Variants in PPM1B observed in about 807,000 individuals in gnomAD.
PPM1B encodes protein phosphatase 1B.
PPM1B carries 22 observed loss-of-function variants against 43.0 expected under a neutral mutation model. The ratio of observed to expected loss-of-function variants is 0.51; its 90% confidence interval spans 0.37 to 0.73. The LOEUF (loss-of-function observed/expected upper bound fraction) is 0.73. PPM1B is among the 30% of genes least tolerant of loss of function. PPM1B has a pLI of 0.00. For missense variants in PPM1B, 632 were observed against 584.2 expected (o/e 1.08, Z -0.84); for synonymous variants, 217 against 197.9 (o/e 1.10, Z -0.81).
chr2:44,215,064 A>G (rs990465379), intron 3 of PPM1B, among the ~76,000 whole-genome samples: 10 of 152,196 alleles, frequency 6.6e-5, no homozygotes, highest in Non-Finnish European at 2.9e-5. Flanking sequence ...TAAAGTATAT[A>G]TTATATAGGA....
At chr2:44,175,713 T>C (rs942060317) in intron 1 of PPM1B, among the ~76,000 whole-genome samples, 2 of 152,084 alleles carry the variant, frequency 1.3e-5, no homozygotes, top group African/African-American at 2.4e-5. Flanking sequence ...TTTTCTGTAA[T>C]TGGATAAAAA....
intron 5 of PPM1B, among the ~76,000 whole-genome samples, chr2:44,227,515 C>T (rs1035853200): frequency 2.1e-5 from 3 of 145,214 alleles, no homozygotes; most frequent in African/African-American, 5.0e-5. Context: ...TACACAGTAT[C>T]ATCTTTTTTT....
intron 1 of PPM1B, among the ~76,000 whole-genome samples, chr2:44,192,902 C>CT (rs1295640588): frequency 3.3e-5 from 5 of 152,164 alleles, no homozygotes; most frequent in African/African-American, 1.2e-4. Flanking sequence ...GAATTTCCTT[C>CT]TTTTTTTAAG....
At chr2:44,244,387 A>G (rs769310174), downstream of PPM1B, 5 of 1,341,934 alleles carry the variant, frequency 3.7e-6, no homozygotes, top group East Asian at 2.3e-4. Flanking sequence ...TAATTATAGT[A>G]TTTGTACTGC....
Position 44,202,017 on chromosome 2 carries a change from A to T in PPM1B, c.818A>T (p.Asn273Ile), listed in dbSNP as rs767149331. The T allele has an allele frequency of 2.5e-6, 4 of 1,603,468 alleles. No individual in the cohort carries two copies. Among genetic ancestry groups the T allele is most frequent in the Non-Finnish European group, 1.7e-6 (2 of 1,174,628 alleles). Residue 273 changes from asparagine to isoleucine, a missense_variant, in exon 2 of 6, where the codon AAT becomes ATT. Around this residue, in one of 3 missense-constraint regions of PPM1B, gnomAD observed 392 missense variants for 302.7 expected, o/e 1.29. Transcript: ENST00000282412. ...EVSDDLENVC[N>I]WVVDTCLHKG... ...TCTGATGACCTGGAAAATGTGTGCAATTGGGTAGTGGACACTTGTTTACAC... is the reference window on the plus strand; with the variant it reads ...TCTGATGACCTGGAAAATGTGTGCATTTGGGTAGTGGACACTTGTTTACAC...
At chr2:44,173,741 G>A (rs1215148083) in intron 1 of PPM1B, among the ~76,000 whole-genome samples, 2 of 152,056 alleles carry the variant, frequency 1.3e-5, no homozygotes, top group African/African-American at 2.4e-5. Context: ...TCAGGAGTTC[G>A]AGACTAGCCT....
intron 1 of PPM1B, among the ~76,000 whole-genome samples, chr2:44,194,547 C>T (rs1668565714): frequency 6.6e-6 from 1 of 152,060 alleles, no homozygotes; most frequent in Admixed American, 6.6e-5. Context: ...CACGGTGAAA[C>T]CCCGTCTCTA....
chr2:44,222,937 C>A (rs1001668452), intron 5 of PPM1B, among the ~76,000 whole-genome samples: 3 of 152,104 alleles, frequency 2.0e-5, no homozygotes, highest in South Asian at 2.1e-4. Flanking sequence ...CTCAAGCGAT[C>A]CTCCCAGCTC....
chr2:44,243,264 T>C (rs1197647307), intron 5 of PPM1B, among the ~76,000 whole-genome samples: 2 of 152,224 alleles, frequency 1.3e-5, no homozygotes, highest in Non-Finnish European at 2.9e-5. Flanking sequence ...ACCCTTCATA[T>C]ACACTTTTAA....
chr2:44,216,305 G>T (rs1163450053), intron 3 of PPM1B, among the ~76,000 whole-genome samples: 1 of 152,140 alleles, frequency 6.6e-6, no homozygotes, highest in East Asian at 1.9e-4. Flanking sequence ...GGCATCTAGT[G>T]AATGGAGGCC....
chr2:44,225,956 A>G (rs1402680830), intron 5 of PPM1B, among the ~76,000 whole-genome samples: 3 of 145,104 alleles, frequency 2.1e-5, no homozygotes, highest in Non-Finnish European at 4.5e-5. Flanking sequence ...GTGCCTGGCT[A>G]TGGTTTGGTT....
intron 5 of PPM1B, among the ~76,000 whole-genome samples, chr2:44,241,609 G>T (rs1670745138): frequency 8.3e-6 from 1 of 120,486 alleles, no homozygotes; most frequent in African/African-American, 2.6e-5. Context: ...GTGTGCACCT[G>T]TAATCCCAGC....
At chr2:44,211,422 A>G (rs1409808381) in intron 3 of PPM1B, among the ~76,000 whole-genome samples, 2 of 152,174 alleles carry the variant, frequency 1.3e-5, no homozygotes, top group Admixed American at 6.5e-5. Flanking sequence ...TAGGTTATAC[A>G]TTGGCAGGAA....
chr2:44,203,243 C>A (rs1353559551), intron 2 of PPM1B, among the ~76,000 whole-genome samples: 1 of 152,188 alleles, frequency 6.6e-6, no homozygotes, highest in East Asian at 1.9e-4. Context: ...AATGATGGTA[C>A]CTCTAGCTCC....
chr2:44,209,041 C>T (rs1231487735), intron 2 of PPM1B, among the ~76,000 whole-genome samples, 169 bp from the exon 3 acceptor site: 1 of 152,082 alleles, frequency 6.6e-6, no homozygotes, highest in Non-Finnish European at 1.5e-5. Flanking sequence ...ACCTAGACAC[C>T]TTGTTTCTTC....
intron 5 of PPM1B, among the ~76,000 whole-genome samples, chr2:44,226,444 CA>C (rs1209658307): frequency 6.6e-6 from 1 of 152,150 alleles, no homozygotes; most frequent in Non-Finnish European, 1.5e-5. Flanking sequence ...ACCTTTCATC[CA>C]ACCTTATTAA....
At chr2:44,220,431 G>C (rs1456731349) in intron 5 of PPM1B, among the ~76,000 whole-genome samples, 2 of 151,944 alleles carry the variant, frequency 1.3e-5, no homozygotes, top group Non-Finnish European at 2.9e-5. Flanking sequence ...AATAGGCAAC[G>C]GAACTATGAA....
chr2:44,191,093 T>G (rs1558399435), intron 1 of PPM1B, among the ~76,000 whole-genome samples: 2 of 152,250 alleles, frequency 1.3e-5, no homozygotes, highest in Non-Finnish European at 2.9e-5. Context: ...TCCCTAGAAG[T>G]AAGTACTATC....
intron 5 of PPM1B, among the ~76,000 whole-genome samples, chr2:44,222,477 T>C (rs995629126): frequency 1.3e-5 from 2 of 152,202 alleles, no homozygotes; most frequent in Non-Finnish European, 2.9e-5. Flanking sequence ...ATCAAGTAGT[T>C]GCACAAGTTG....
Sources: allele counts gnomAD v4.1 joint callset (sites outside exome capture counted in the v4.1 genomes callset), GRCh38; gene constraint gnomAD v4.1.1; regional missense constraint gnomAD v4.1.1; transcripts MANE v1.5; gene names NCBI Gene and HGNC (gene_info 2026-07-23, HGNC 2026-07-21).